Variants in DTWD2 observed in about 807,000 individuals in gnomAD.
DTWD2 encodes the protein tRNA-uridine aminocarboxypropyltransferase 2.
In DTWD2, 39 loss-of-function variants were observed where a neutral mutation model predicts 31.8. The ratio of observed to expected loss-of-function variants is 1.22; its 90% CI spans 0.95 to 1.60. The LOEUF (loss-of-function observed/expected upper bound fraction) is 1.60. Ranked by LOEUF, DTWD2 falls within the 40% of genes most tolerant of loss-of-function variation. The pLI is 0.00. For synonymous variants in DTWD2, 180 were observed against 142.8 expected, an observed-to-expected ratio of 1.26 and a Z score of -1.86; for missense variants, 515 against 381.5, an observed-to-expected ratio of 1.35 and a Z score of -2.92.
intron 4 of DTWD2, 68 bp downstream of exon 4, chr5:118,928,469 A>G: frequency 8.8e-7 from 1 of 1,131,548 alleles, no homozygotes; most frequent in Non-Finnish European, 1.2e-6. Context: ...GTATCCCTTC[A>G]CAGAAAACAT....
intron 4 of DTWD2, among the ~76,000 whole-genome samples, chr5:118,872,246 C>T (rs1266758741): frequency 3.9e-5 from 6 of 152,196 alleles, no homozygotes; most frequent in Admixed American, 3.9e-4. Context: ...GTTATTTTCA[C>T]TTTTTTATCA....
At chr5:118,898,460 C>G (rs1167197148) in intron 4 of DTWD2, among the ~76,000 whole-genome samples, 1 of 151,520 alleles carries the variant, frequency 6.6e-6, no homozygotes, top group Admixed American at 6.6e-5. Context: ...GAGTTCAAGA[C>G]CAGCCTGGCC....
chr5:118,919,892 C>G (rs1753662967), intron 4 of DTWD2, among the ~76,000 whole-genome samples: 1 of 152,032 alleles, frequency 6.6e-6, no homozygotes, highest in African/African-American at 2.4e-5. Context: ...TAGGCTTATA[C>G]ATGTAAGATG....
chr5:118,924,591 C>T (rs1267618279), intron 4 of DTWD2, among the ~76,000 whole-genome samples: 1 of 152,166 alleles, frequency 6.6e-6, no homozygotes, highest in Admixed American at 6.5e-5. Flanking sequence ...TTAACTAAAT[C>T]TTGCAATATA....
chr5:118,922,661 G>A (rs532778525), intron 4 of DTWD2, among the ~76,000 whole-genome samples: 1 of 152,056 alleles, frequency 6.6e-6, no homozygotes, highest in Admixed American at 6.5e-5. Context: ...AGCACCTTGA[G>A]TAAACAAAAA....
At chr5:118,977,756 T>C (rs1049980344) in intron 1 of DTWD2, among the ~76,000 whole-genome samples, 7 of 152,176 alleles carry the variant, frequency 4.6e-5, no homozygotes, top group Non-Finnish European at 1.0e-4. Flanking sequence ...AAAATGGCCA[T>C]ACTGCCCAAT....
chr5:118,946,110 G>A (rs973790095), intron 1 of DTWD2, among the ~76,000 whole-genome samples: 9 of 152,188 alleles, frequency 5.9e-5, no homozygotes, highest in Admixed American at 1.3e-4. Flanking sequence ...TGCTCTGGAT[G>A]AAGAAATTAT....
At chr5:118,902,977 T>C (rs989810997) in intron 4 of DTWD2, among the ~76,000 whole-genome samples, 13 of 152,102 alleles carry the variant, frequency 8.5e-5, no homozygotes, top group African/African-American at 3.1e-4. Context: ...TATATCTATG[T>C]TGTAGCACAT....
chr5:118,887,901 A>G (rs898841049), intron 4 of DTWD2, among the ~76,000 whole-genome samples: 122 of 152,274 alleles, frequency 8.0e-4, no homozygotes, highest in African/African-American at 2.9e-3. Flanking sequence ...TTGGCCTCCC[A>G]AAGTTGTGGG....
chr5:118,957,199 T>C (rs184872132), intron 1 of DTWD2, among the ~76,000 whole-genome samples: 1 of 152,050 alleles, frequency 6.6e-6, no homozygotes, highest in African/African-American at 2.4e-5. Flanking sequence ...GGAGGAAGGA[T>C]AGACTTAGAA....
chr5:118,871,522 C>T (rs1580777959), intron 4 of DTWD2, among the ~76,000 whole-genome samples: 2 of 152,178 alleles, frequency 1.3e-5, no homozygotes, highest in Admixed American at 6.5e-5. Flanking sequence ...GCAGAAAGGA[C>T]GTTGTATCAG....
intron 4 of DTWD2, among the ~76,000 whole-genome samples, chr5:118,881,401 T>C (rs1329838352): frequency 1.3e-5 from 2 of 152,218 alleles, no homozygotes; most frequent in African/African-American, 2.4e-5. Flanking sequence ...AGAAATAACA[T>C]GGCTTATATG....
chr5:118,981,849 A>T (rs1470143754), intron 1 of DTWD2, among the ~76,000 whole-genome samples: 1 of 152,232 alleles, frequency 6.6e-6, no homozygotes, highest in African/African-American at 2.4e-5. Context: ...GCCAAAGGTA[A>T]AGGAAAAGAA....
chr5:118,924,407 G>C (rs1373281593), intron 4 of DTWD2, among the ~76,000 whole-genome samples: 1 of 152,156 alleles, frequency 6.6e-6, no homozygotes, highest in African/African-American at 2.4e-5. Flanking sequence ...ACCGGTACAT[G>C]ATCTATATAT....
chr5:118,859,206 GAA>G (rs766866641), intron 4 of DTWD2, among the ~76,000 whole-genome samples: 3 of 127,350 alleles, frequency 2.4e-5, no homozygotes, highest in African/African-American at 2.9e-5. Context: ...ATTCTTGAAG[GAA>G]AAAAAAAAAA....
At position 118,841,024 on chromosome 5, in the gene DTWD2, G is replaced by C; in HGVS notation, c.790C>G (p.Leu264Val). The part of the protein sequence containing the change: ...FQLQHGAQIR[L>V]SKEHLLKNGL... ...TTTTTCAGAAGGTGTTCCTTGCTGA[G>C]GCGAATTTGGGCACCATGCTGAAGT... Residue 264 changes from leucine (L) to valine (V), a missense_variant, in exon 6 of 6, where the codon CTC (leucine) becomes GTC (valine). By Grantham distance (32) the Leu-to-Val change is conservative. Coordinates refer to ENST00000510708, the MANE Select transcript of DTWD2 (RefSeq NM_173666.4). 6.2e-7 allele frequency: 1 copy of C among 1,613,614 alleles called. No individual in the cohort carries two copies. Among genetic ancestry groups the C allele is most frequent in the Non-Finnish European group, 8.5e-7 (1 of 1,179,746 alleles).
chr5:118,882,567 G>A (rs1276804025), intron 4 of DTWD2, among the ~76,000 whole-genome samples: 2 of 152,224 alleles, frequency 1.3e-5, no homozygotes, highest in African/African-American at 4.8e-5. Context: ...GCAGACTTCT[G>A]CCTGTACATC....
At chr5:118,920,121 A>G (rs1753668841) in intron 4 of DTWD2, among the ~76,000 whole-genome samples, 1 of 152,130 alleles carries the variant, frequency 6.6e-6, no homozygotes, top group Non-Finnish European at 1.5e-5. Context: ...CCCTGGTGCC[A>G]AAAAGACTGG....
At chr5:118,900,851 G>A (rs1753190499) in intron 4 of DTWD2, among the ~76,000 whole-genome samples, 1 of 151,852 alleles carries the variant, frequency 6.6e-6, no homozygotes, top group African/African-American at 2.4e-5. Flanking sequence ...GGTGAACCCA[G>A]GAGGCAGAGC....
Sources: gnomAD v4.1 joint callset for allele counts (sites outside exome capture counted in the v4.1 genomes callset) on GRCh38, gnomAD v4.1.1 for gene constraint, MANE v1.5 for transcripts, NCBI Gene and HGNC (gene_info 2026-07-23, HGNC 2026-07-21) for gene names.